CRTAC1: variants seen among roughly 807,000 people sequenced by gnomAD.
CRTAC1 encodes the protein acidic secreted protein in cartilage.
In CRTAC1, 37 loss-of-function variants were observed where a neutral mutation model predicts 67.8. The observed-to-expected ratio is 0.55, with a 90% CI of 0.42 to 0.72. The LOEUF is 0.72. Ranked by LOEUF, CRTAC1 falls within the 30% of genes least tolerant of loss-of-function variation. The pLI is 0.00. For missense variants in CRTAC1, 780 were observed against 931.6 expected, an observed-to-expected ratio of 0.84 and a Z score of 2.12; for synonymous variants, 348 against 371.0, an observed-to-expected ratio of 0.94 and a Z score of 0.71.
chr10:97,920,606 C>G (rs1469859313), intron 4 of CRTAC1, among the ~76,000 whole-genome samples: 1 of 152,198 alleles, frequency 6.6e-6, no homozygotes, highest in Non-Finnish European at 1.5e-5. Flanking sequence ...ATGATGCTGA[C>G]ACTGCTGGTC....
At chr10:97,973,189 A>G (rs966401051) in intron 2 of CRTAC1, among the ~76,000 whole-genome samples, 1 of 152,210 alleles carries the variant, frequency 6.6e-6, no homozygotes, top group Admixed American at 6.5e-5. Context: ...AAAAAAAGTA[A>G]GTTAAAAATA....
chr10:97,873,876 C>G (rs946703629), intron 14 of CRTAC1, among the ~76,000 whole-genome samples: 1 of 152,200 alleles, frequency 6.6e-6, no homozygotes, highest in Non-Finnish European at 1.5e-5. Flanking sequence ...AGGCTCCTCT[C>G]TGCACTCGGG....
intron 2 of CRTAC1, among the ~76,000 whole-genome samples, chr10:97,994,822 G>T (rs1842524474): frequency 6.6e-6 from 1 of 152,204 alleles, no homozygotes; most frequent in African/African-American, 2.4e-5. Flanking sequence ...TTCTCCAGAG[G>T]AGGAGTATTC....
intron 13 of CRTAC1, among the ~76,000 whole-genome samples, chr10:97,881,809 GC>G: frequency 6.6e-6 from 1 of 152,040 alleles, no homozygotes; most frequent in Non-Finnish European, 1.5e-5. Context: ...TTCAGACAGT[GC>G]CCCCCACCAG....
intron 7 of CRTAC1, among the ~76,000 whole-genome samples, chr10:97,902,549 C>T (rs1388666913): frequency 6.6e-6 from 1 of 152,214 alleles, no homozygotes; most frequent in Non-Finnish European, 1.5e-5. Context: ...CAAAGGGTCC[C>T]AGGTGTGTTT....
intron 14 of CRTAC1, chr10:97,870,087 C>T (rs184080977): frequency 6.6e-6 from 1 of 152,200 alleles, no homozygotes; most frequent in Non-Finnish European, 1.5e-5. Context: ...AGGCGTTCAA[C>T]CTTGGTGGCA....
chr10:97,999,718 G>A (rs971162730), intron 2 of CRTAC1, among the ~76,000 whole-genome samples: 1 of 152,306 alleles, frequency 6.6e-6, no homozygotes, highest in East Asian at 1.9e-4. Context: ...GGAACTTGTG[G>A]TGCCTTTTCT....
intron 14 of CRTAC1, among the ~76,000 whole-genome samples, chr10:97,874,480 G>A (rs759997929): frequency 6.6e-6 from 1 of 152,156 alleles, no homozygotes; most frequent in African/African-American, 2.4e-5. Context: ...ATGGCCATTT[G>A]CCATCTTTTT....
At chr10:97,941,566 C>A (rs2051177273) in intron 2 of CRTAC1, among the ~76,000 whole-genome samples, 1 of 152,178 alleles carries the variant, frequency 6.6e-6, no homozygotes, top group African/African-American at 2.4e-5. Flanking sequence ...CCACCCCTCC[C>A]TCCCACAAAG....
chr10:98,006,617 G>A (rs147347430), intron 2 of CRTAC1, among the ~76,000 whole-genome samples: 402 of 152,212 alleles, frequency 2.6e-3, no homozygotes, highest in African/African-American at 8.7e-3. Flanking sequence ...CGAGGACACC[G>A]AAAAAGCAAC....
chr10:97,916,455 C>T (rs537735550), intron 5 of CRTAC1, among the ~76,000 whole-genome samples: 1 of 152,158 alleles, frequency 6.6e-6, no homozygotes, highest in Non-Finnish European at 1.5e-5. Flanking sequence ...CCCCTTTCAC[C>T]AGGGTGAAAA....
intron 1 of CRTAC1, among the ~76,000 whole-genome samples, chr10:98,014,644 CA>C (rs1190137780): frequency 7.9e-5 from 12 of 152,140 alleles, no homozygotes; most frequent in Non-Finnish European, 1.8e-4. Context: ...TGACTCAAAA[CA>C]AATGACTTGA....
Position 97,895,601 on chromosome 10 carries a change from T to C in CRTAC1, c.1318-188A>G, listed in dbSNP as rs2050446226. ...ATGAGGCGAAGACAGATTGGCTGAA[T>C]GAAGGAGAGGCACTGCAGACAGAGG... On this transcript the variant is annotated intron_variant, in intron 10 of 14. Transcript: ENST00000370597. This position sits in a 1 kb window ranked among gnomAD's most constrained non-coding sequence, Gnocchi z 4.2. 6.6e-6 allele frequency among the ~76,000 whole-genome samples: 1 copy of C among 152,056 alleles called. No individual in the cohort carries two copies. Among genetic ancestry groups the C allele is most frequent in the African/African-American group, 2.4e-5 (1 of 41,402 alleles).
At chr10:97,913,781 C>T (rs946499787) in intron 5 of CRTAC1, among the ~76,000 whole-genome samples, 1 of 152,156 alleles carries the variant, frequency 6.6e-6, no homozygotes, top group Non-Finnish European at 1.5e-5. Flanking sequence ...GCTTCACTCC[C>T]GATGAAAGGC....
intron 2 of CRTAC1, among the ~76,000 whole-genome samples, chr10:98,004,302 A>C (rs1191213913): frequency 6.6e-6 from 1 of 152,184 alleles, no homozygotes; most frequent in Non-Finnish European, 1.5e-5. Flanking sequence ...ATTCAGTTTT[A>C]ATAGCAGCAG....
intron 4 of CRTAC1, among the ~76,000 whole-genome samples, chr10:97,919,741 A>C (rs1330114984): frequency 7.2e-6 from 1 of 138,804 alleles, no homozygotes; most frequent in Non-Finnish European, 1.5e-5. Flanking sequence ...GCAAAATTGG[A>C]GTTTGAGATG....
chr10:97,985,352 C>A (rs1283871022), intron 2 of CRTAC1, among the ~76,000 whole-genome samples: 1 of 152,184 alleles, frequency 6.6e-6, no homozygotes, highest in Non-Finnish European at 1.5e-5. Flanking sequence ...GTTCCATGAG[C>A]TGATGGAATC....
chr10:97,889,141 G>A (rs1476879492), intron 11 of CRTAC1, among the ~76,000 whole-genome samples: 14 of 144,114 alleles, frequency 9.7e-5, no homozygotes, highest in Admixed American at 8.3e-4. Context: ...GGGGGGGAGG[G>A]GGAAGGGGGG....
chr10:97,877,883 G>A (rs111898143), intron 14 of CRTAC1, among the ~76,000 whole-genome samples: 1,526 of 152,298 alleles, frequency 0.01, 27 homozygotes, highest in African/African-American at 0.034. Flanking sequence ...TCCTTGGCAG[G>A]CCATCTCTGT....
Sources: allele counts gnomAD v4.1 joint callset (sites outside exome capture counted in the v4.1 genomes callset), GRCh38; gene constraint gnomAD v4.1.1; non-coding constraint Gnocchi (gnomAD v3.1); transcripts MANE v1.5; gene names NCBI Gene and HGNC (gene_info 2026-07-23, HGNC 2026-07-21).